Variants in PLCB1 observed in about 807,000 individuals in gnomAD.
The protein encoded by PLCB1 is phospholipase C beta 1.
A neutral mutation model predicts 161.8 loss-of-function variants in PLCB1; 46 were observed. The observed-to-expected ratio is 0.28, with a 90% CI of 0.22 to 0.36. PLCB1 has a LOEUF of 0.36. Among genes scored for constraint, PLCB1 ranks in the 10% least tolerant of loss-of-function variants. The pLI, the probability that PLCB1 is intolerant of heterozygous loss-of-function variation, is 1.00. For synonymous variants in PLCB1, 517 were observed against 503.7 expected (o/e 1.03, Z -0.35); for missense variants, 1,016 against 1,472.5 (o/e 0.69, Z 5.07).
chr20:8,425,542 T>C (rs1979727893), intron 3 of PLCB1, among the ~76,000 whole-genome samples: 1 of 152,030 alleles, frequency 6.6e-6, no homozygotes, highest in Admixed American at 6.6e-5. Context: ...CCCTGGGTGT[T>C]GCTATAGACC....
intron 2 of PLCB1, among the ~76,000 whole-genome samples, chr20:8,197,479 C>T (rs2052037827): frequency 6.6e-6 from 1 of 152,132 alleles, no homozygotes. Flanking sequence ...GGTGTCTGTT[C>T]ATATCCTTTG....
intron 31 of PLCB1, among the ~76,000 whole-genome samples, chr20:8,825,062 G>T (rs1336533690): frequency 6.6e-6 from 1 of 152,080 alleles, no homozygotes; most frequent in Admixed American, 6.6e-5. Flanking sequence ...CTATCCCCAG[G>T]TCCTCATTGT....
chr20:8,814,853 T>C (rs1484682560), intron 31 of PLCB1, among the ~76,000 whole-genome samples: 1 of 152,232 alleles, frequency 6.6e-6, no homozygotes, highest in African/African-American at 2.4e-5. Context: ...CACCTTCATT[T>C]AGCAGATGTA....
chr20:8,717,568 A>C, intron 13 of PLCB1, 103 bp from the exon 14 acceptor site: 1 of 817,292 alleles, frequency 1.2e-6, no homozygotes, highest in Non-Finnish European at 2.0e-6. Context: ...AAGGTAGGGA[A>C]GAAGTCTAGA....
intron 23 of PLCB1, among the ~76,000 whole-genome samples, chr20:8,752,871 A>T (rs2123553100): frequency 6.6e-6 from 1 of 152,158 alleles, no homozygotes; most frequent in East Asian, 1.9e-4. Context: ...ATAGAATCTT[A>T]CTTAACTCAG....
At chr20:8,320,017 AAAG>A (rs1984837491) in intron 2 of PLCB1, among the ~76,000 whole-genome samples, 1 of 152,088 alleles carries the variant, frequency 6.6e-6, no homozygotes, top group South Asian at 2.1e-4. Context: ...TTTTTTAAAA[AAAG>A]AAAGAAAGTG....
chr20:8,565,958 G>A (rs1047382599), intron 3 of PLCB1, among the ~76,000 whole-genome samples: 1 of 152,000 alleles, frequency 6.6e-6, no homozygotes, highest in Non-Finnish European at 1.5e-5. Context: ...CCACAGCAGC[G>A]CTGGATTCCT....
intron 31 of PLCB1, chr20:8,801,984 T>G (rs2146239818): frequency 1.1e-6 from 1 of 918,798 alleles, no homozygotes; most frequent in Non-Finnish European, 1.8e-6. Context: ...GACAAATAAT[T>G]GGAAACACCA....
chr20:8,578,606 G>A (rs907343748), intron 3 of PLCB1, among the ~76,000 whole-genome samples: 1 of 152,206 alleles, frequency 6.6e-6, no homozygotes, highest in Non-Finnish European at 1.5e-5. Flanking sequence ...ACTATCCAGA[G>A]TACAGACGAT....
chr20:8,758,387 C>T (rs1022106900), intron 24 of PLCB1, among the ~76,000 whole-genome samples: 1 of 151,968 alleles, frequency 6.6e-6, no homozygotes, highest in Non-Finnish European at 1.5e-5. Context: ...TCAGGACCAA[C>T]CTGGCCAACA....
chr20:8,345,875 C>A (rs1435756283), intron 2 of PLCB1, among the ~76,000 whole-genome samples: 3 of 152,076 alleles, frequency 2.0e-5, no homozygotes, highest in African/African-American at 7.2e-5. Context: ...TCCTCTTGAC[C>A]CAATTTTGGC....
chr20:8,603,755 C>T (rs112737258), intron 3 of PLCB1, among the ~76,000 whole-genome samples: 1 of 152,236 alleles, frequency 6.6e-6, no homozygotes, highest in South Asian at 2.1e-4. Context: ...CAACTTGACA[C>T]TAACCAATAA....
intron 3 of PLCB1, among the ~76,000 whole-genome samples, chr20:8,516,983 A>G (rs1001550133): frequency 9.2e-5 from 14 of 152,080 alleles, no homozygotes; most frequent in South Asian, 2.1e-4. Flanking sequence ...TACTGGGTGT[A>G]TGCCAGATTT....
intron 2 of PLCB1, among the ~76,000 whole-genome samples, chr20:8,242,843 G>A (rs769856811): frequency 4.1e-4 from 62 of 151,976 alleles, no homozygotes; most frequent in Non-Finnish European, 6.2e-4. Context: ...AATGCTTCTG[G>A]TTTGGAAATG....
intron 3 of PLCB1, among the ~76,000 whole-genome samples, chr20:8,559,003 A>T (rs1986054491): frequency 6.6e-6 from 1 of 151,960 alleles, no homozygotes; most frequent in Admixed American, 6.6e-5. Flanking sequence ...TACAAAAGAA[A>T]TAAAACACAC....
At position 8,504,743 on chromosome 20, in the gene PLCB1, T is replaced by C. The variant is rs1983563036; in HGVS notation, c.247-123551T>C. 2.0e-5 allele frequency among the ~76,000 whole-genome samples: 3 copies of C among 147,416 alleles called. No homozygotes were observed. The South Asian group carries it at 6.4e-4, about 32-fold the overall frequency. On this transcript the variant is annotated intron_variant, in intron 3 of 31. Coordinates refer to ENST00000338037, the MANE Select transcript of PLCB1 (RefSeq NM_015192.4). ...AACAAAAATTGGGTGCCCTCTGGAA[T>C]GTTTGGCTCCAAAAAAAATATTGAA...
Position 8,576,284 on chromosome 20 carries a change from C to T in PLCB1, c.247-52010C>T, listed in dbSNP as rs542421904. On this transcript the variant is annotated intron_variant, in intron 3 of 31. Coordinates refer to ENST00000338037, the MANE Select transcript of PLCB1 (RefSeq NM_015192.4). ...ACTATTTAGGAGTTTGGGGACTGTG[C>T]TATGCTGTGAAAGCCATTCCTTGGA... Among the ~76,000 whole-genome samples, 16 of 152,230 alleles carry T rather than the reference C, an allele frequency of 1.1e-4. 1 individual carries two copies. Among genetic ancestry groups the T allele is most frequent in the Middle Eastern group, 6.8e-3 (2 of 292 alleles).
At chr20:8,149,149 A>G (rs1346127642) in intron 1 of PLCB1, among the ~76,000 whole-genome samples, 1 of 152,226 alleles carries the variant, frequency 6.6e-6, no homozygotes, top group African/African-American at 2.4e-5. Context: ...GTTTTTAATT[A>G]TAATCCACTA....
intron 3 of PLCB1, among the ~76,000 whole-genome samples, chr20:8,496,577 G>A (rs1044480629): frequency 1.3e-5 from 2 of 152,174 alleles, no homozygotes; most frequent in African/African-American, 4.8e-5. Flanking sequence ...GGCCCCTTTA[G>A]TAAATGCTGA....
Sources: allele counts gnomAD v4.1 joint callset (sites outside exome capture counted in the v4.1 genomes callset), GRCh38; gene constraint gnomAD v4.1.1; transcripts MANE v1.5; gene names NCBI Gene and HGNC (gene_info 2026-07-23, HGNC 2026-07-21).